The following ZNF385D variants were observed in gnomAD, a reference collection of about 807,000 sequenced individuals.
The protein encoded by ZNF385D is zinc finger protein 385D.
Under a neutral mutation model 35.8 loss-of-function variants are expected in ZNF385D, and 15 were observed. That is an observed-to-expected ratio of 0.42 (90% CI 0.28 to 0.64). ZNF385D has a LOEUF of 0.64. ZNF385D is among the 30% of genes least tolerant of loss of function. The pLI is 0.23. For synonymous variants in ZNF385D, 212 were observed against 186.8 expected, an observed-to-expected ratio of 1.13 and a Z score of -1.10; for missense variants, 474 against 494.6, an observed-to-expected ratio of 0.96 and a Z score of 0.39.
At chr3:22,067,815 A>T (rs967661609) in intron 3 of ZNF385D, among the ~76,000 whole-genome samples, 1 of 152,172 alleles carries the variant, frequency 6.6e-6, no homozygotes, top group African/African-American at 2.4e-5. Flanking sequence ...TGAGGTCAAG[A>T]GATCGAGACC....
At position 22,244,413 on chromosome 3, in the gene ZNF385D, A is replaced by C. The variant is rs1029992339; in HGVS notation, c.107-75378T>G. Among the ~76,000 whole-genome samples the C allele has an allele frequency of 4.1e-4, 62 of 150,074 alleles. 1 individual carries two copies. The highest frequency in any genetic ancestry group is 1.1e-3 in the Admixed American group (17 of 14,974). ...AAAAATGAAAACATAAAACGCAGAAAAGTAAAATAAATATCAAGTATATTC... is the reference window on the plus strand; with the variant it reads ...AAAAATGAAAACATAAAACGCAGAACAGTAAAATAAATATCAAGTATATTC... On this transcript the variant is annotated intron_variant, in intron 2 of 5. Coordinates refer to the ZNF385D transcript ENST00000494108.
chr3:21,992,168 C>A (rs1695189451), intron 3 of ZNF385D, among the ~76,000 whole-genome samples: 1 of 152,034 alleles, frequency 6.6e-6, no homozygotes, highest in South Asian at 2.1e-4. Flanking sequence ...TCTAACCAAG[C>A]AATACCATAA....
rs563094888 is a variant in ZNF385D at position 22,320,033 on chromosome 3, C to T, written c.106+52417G>A. Among the ~76,000 whole-genome samples the T allele has an allele frequency of 5.3e-5, 8 of 151,866 alleles. No individual in the cohort carries two copies. The East Asian group carries it at 1.6e-3, about 29-fold the overall frequency. ...CTTGGACACTGTGATTTGGAAGATC[C>T]TGAATTTCACAAAACACATACAAAC... On this transcript the variant is annotated intron_variant, in intron 2 of 5. Coordinates refer to the ZNF385D transcript ENST00000494108.
At chr3:21,495,142 T>C (rs773749221) in intron 4 of ZNF385D, among the ~76,000 whole-genome samples, 11 of 152,118 alleles carry the variant, frequency 7.2e-5, no homozygotes, top group Admixed American at 5.2e-4. Context: ...GAATATGAAT[T>C]AATAGATAGA....
intron 3 of ZNF385D, among the ~76,000 whole-genome samples, chr3:22,003,233 G>T (rs777306496): frequency 3.3e-5 from 5 of 152,204 alleles, no homozygotes; most frequent in African/African-American, 4.8e-5. Context: ...TAACTTGCAG[G>T]ATACAAAAAT....
intron 3 of ZNF385D, among the ~76,000 whole-genome samples, chr3:22,039,957 C>T (rs1400320634): frequency 6.6e-6 from 1 of 152,166 alleles, no homozygotes; most frequent in Non-Finnish European, 1.5e-5. Flanking sequence ...CGATACCTAG[C>T]AGGAGATCAG....
At chr3:22,297,746 G>C (rs567598169) in intron 2 of ZNF385D, among the ~76,000 whole-genome samples, 1 of 152,110 alleles carries the variant, frequency 6.6e-6, no homozygotes, top group East Asian at 1.9e-4. Flanking sequence ...ATGTAATATA[G>C]AAGAGTATAT....
intron 2 of ZNF385D, among the ~76,000 whole-genome samples, chr3:22,330,062 T>C (rs1382619223): frequency 2.0e-5 from 3 of 152,186 alleles, no homozygotes; most frequent in Admixed American, 6.5e-5. Flanking sequence ...GTGTGGCAAA[T>C]TGATCGATTC....
chr3:21,727,044 C>CAA (rs2068794788), intron 1 of ZNF385D, among the ~76,000 whole-genome samples: 2 of 152,262 alleles, frequency 1.3e-5, no homozygotes, highest in South Asian at 4.1e-4. Context: ...TGATCTTTGA[C>CAA]AAACTTGACA....
At chr3:22,205,784 A>G (rs534406493) in intron 2 of ZNF385D, among the ~76,000 whole-genome samples, 47 of 152,130 alleles carry the variant, frequency 3.1e-4, no homozygotes, top group African/African-American at 1.1e-3. Context: ...CAAAAAATTA[A>G]AACATAGTAC....
chr3:22,352,480 G>C (rs1315572384), intron 2 of ZNF385D, among the ~76,000 whole-genome samples: 4 of 152,180 alleles, frequency 2.6e-5, no homozygotes, highest in African/African-American at 7.2e-5. Context: ...TCACAGCCCA[G>C]ATGGGCGATT....
chr3:21,791,159 G>C (rs2071911486), intron 3 of ZNF385D, among the ~76,000 whole-genome samples: 1 of 152,136 alleles, frequency 6.6e-6, no homozygotes, highest in African/African-American at 2.4e-5. Context: ...AAGCTTTATT[G>C]CATGTTTTCT....
At chr3:21,812,762 T>G (rs1189440232) in intron 3 of ZNF385D, among the ~76,000 whole-genome samples, 1 of 152,178 alleles carries the variant, frequency 6.6e-6, no homozygotes, top group Non-Finnish European at 1.5e-5. Context: ...AGACTCCACC[T>G]CTGGGGGCAG....
At chr3:21,730,494 T>A (rs10510518) in intron 1 of ZNF385D, among the ~76,000 whole-genome samples, 3 of 152,094 alleles carry the variant, frequency 2.0e-5, no homozygotes, top group African/African-American at 4.8e-5. Flanking sequence ...TAACTAACCC[T>A]TGATGAGAAA....
chr3:21,522,865 G>T (rs1708001645), intron 3 of ZNF385D, among the ~76,000 whole-genome samples: 1 of 152,180 alleles, frequency 6.6e-6, no homozygotes, highest in Admixed American at 6.5e-5. Flanking sequence ...TAGGTGAGTT[G>T]TGTCAGCAAG....
chr3:21,601,191 C>G (rs2064279707), intron 2 of ZNF385D, among the ~76,000 whole-genome samples: 1 of 152,204 alleles, frequency 6.6e-6, no homozygotes, highest in Non-Finnish European at 1.5e-5. Flanking sequence ...ATATACTCCA[C>G]TTGATGGGGC....
chr3:22,123,579 G>C (rs1703224978), intron 3 of ZNF385D, among the ~76,000 whole-genome samples: 1 of 152,150 alleles, frequency 6.6e-6, no homozygotes, highest in African/African-American at 2.4e-5. Flanking sequence ...TGCTGACTGG[G>C]CCGGGCGCGG....
chr3:21,452,634 T>G (rs968176524), intron 4 of ZNF385D, among the ~76,000 whole-genome samples: 1 of 151,964 alleles, frequency 6.6e-6, no homozygotes, highest in Non-Finnish European at 1.5e-5. Context: ...AATAAAATCT[T>G]AGGAATAAAT....
At chr3:22,181,566 C>T (rs529154715) in intron 2 of ZNF385D, among the ~76,000 whole-genome samples, 105 of 152,018 alleles carry the variant, frequency 6.9e-4, no homozygotes, top group African/African-American at 2.4e-3. Flanking sequence ...GTCGCAGTGG[C>T]GGGCGCCTGT....
Sources: gnomAD v4.1 joint callset for allele counts (sites outside exome capture counted in the v4.1 genomes callset) on GRCh38, gnomAD v4.1.1 for gene constraint, MANE v1.5 for transcripts, NCBI Gene and HGNC (gene_info 2026-07-23, HGNC 2026-07-21) for gene names.